Variants in PALM2AKAP2 observed in about 807,000 individuals in gnomAD.
PALM2AKAP2 encodes PALM2 and AKAP2 fusion.
A neutral mutation model predicts 71.5 loss-of-function variants in PALM2AKAP2; 37 were observed. That is an observed-to-expected ratio of 0.52 (90% CI 0.40 to 0.68). The LOEUF is 0.68. Among genes scored for constraint, PALM2AKAP2 ranks in the 30% least tolerant of loss-of-function variants. The probability of loss-of-function intolerance (pLI) is 0.00; values close to 1 mark genes in which losing one functional copy is unlikely to be tolerated. For synonymous variants in PALM2AKAP2, 468 were observed against 478.8 expected (o/e 0.98, Z 0.29); for missense variants, 1,224 against 1,191.8 (o/e 1.03, Z -0.40).
intron 1 of PALM2AKAP2, among the ~76,000 whole-genome samples, chr9:109,764,883 T>C (rs890895453): frequency 6.6e-6 from 1 of 152,202 alleles, no homozygotes; most frequent in Admixed American, 6.5e-5. Flanking sequence ...AAACCTGGAC[T>C]AAAGCTAGGA....
intron 1 of PALM2AKAP2, among the ~76,000 whole-genome samples, chr9:110,071,337 G>T (rs1474485999): frequency 6.6e-6 from 1 of 152,128 alleles, no homozygotes; most frequent in Non-Finnish European, 1.5e-5. Context: ...AATTCTTATG[G>T]TTGCTTTAGC....
intron 1 of PALM2AKAP2, among the ~76,000 whole-genome samples, chr9:110,085,961 C>G (rs60643904): frequency 0.18 from 27,080 of 151,618 alleles, 3,247 homozygotes; most frequent in African/African-American, 0.34. Context: ...ACAAAAATTA[C>G]CTGGGCATGG....
At chr9:110,105,882 TAAATG>T (rs1250973977) in intron 1 of PALM2AKAP2, among the ~76,000 whole-genome samples, 1 of 152,344 alleles carries the variant, frequency 6.6e-6, no homozygotes, top group Admixed American at 6.5e-5. Context: ...CTTTTGGAAT[TAAATG>T]TAATGTTGTA....
rs577078977 is a variant in PALM2AKAP2, at chr9:109,887,604, C to G, written c.257+6923C>G. Among the ~76,000 whole-genome samples, 4 of 152,022 alleles carry G rather than the reference C, an allele frequency of 2.6e-5. No homozygotes were observed. In the East Asian group the frequency reaches 7.7e-4, roughly 29 times the overall value. Reference sequence around the variant, plus strand: ...AATTCATTAATTTTCTAATTTAAGCCTTGTAATACTCCCATGAGGTAGTGA... The same window carrying G: ...AATTCATTAATTTTCTAATTTAAGCGTTGTAATACTCCCATGAGGTAGTGA... On this transcript the variant is annotated intron_variant, in intron 3 of 9. Transcript: ENST00000302798.
intron 1 of PALM2AKAP2, among the ~76,000 whole-genome samples, chr9:109,842,675 A>G (rs1828730672): frequency 6.6e-6 from 1 of 152,180 alleles, no homozygotes; most frequent in Non-Finnish European, 1.5e-5. Context: ...GATGTGAAAA[A>G]AAAAACAGAC....
chr9:110,148,445 C>A lies in PALM2AKAP2; in HGVS notation c.2570-7874C>A, dbSNP rs530670246. ...TCATCACATTCTCCCACCCCTGGGGCCTTCAAAGGAGGAGATGAAAGAAGA... is the reference window on the plus strand; with the variant it reads ...TCATCACATTCTCCCACCCCTGGGGACTTCAAAGGAGGAGATGAAAGAAGA... On this transcript the variant is annotated intron_variant, in intron 2 of 3. Transcript: ENST00000374525. 3.9e-5 allele frequency: 6 copies of A among 152,282 alleles called. No individual in the cohort carries two copies. In the East Asian group the frequency reaches 1.2e-3, roughly 29 times the overall value. The allele number at this position is 152,282 out of a possible 1,614,324, so 9.4% of individuals were successfully genotyped here. A position where few individuals can be genotyped will look rare whatever the true frequency, so the allele number is the denominator to read the frequency against.
chr9:109,670,984 C>A (rs1320974429), intron 1 of PALM2AKAP2, among the ~76,000 whole-genome samples: 1 of 151,984 alleles, frequency 6.6e-6, no homozygotes, highest in Admixed American at 6.6e-5. Flanking sequence ...TCTTTTCTTG[C>A]AAATTTGTTT....
At chr9:109,749,901 T>G (rs556064509) in intron 1 of PALM2AKAP2, among the ~76,000 whole-genome samples, 1 of 152,318 alleles carries the variant, frequency 6.6e-6, no homozygotes, top group South Asian at 2.1e-4. Flanking sequence ...GTATCTATGT[T>G]GGAGACCATG....
At chr9:110,018,112 C>T (rs1218453209) in intron 7 of PALM2AKAP2, among the ~76,000 whole-genome samples, 2 of 152,102 alleles carry the variant, frequency 1.3e-5, no homozygotes, top group Admixed American at 1.3e-4. Context: ...ATCCATGGTA[C>T]CAGGATCTTG....
At chr9:110,047,171 T>C (rs1833615787), upstream of PALM2AKAP2, among the ~76,000 whole-genome samples, 1 of 152,236 alleles carries the variant, frequency 6.6e-6, no homozygotes, top group South Asian at 2.1e-4. Flanking sequence ...CAGTAAATTC[T>C]ATTGAAATTC....
At chr9:109,738,588 G>A (rs1828673218) in intron 1 of PALM2AKAP2, among the ~76,000 whole-genome samples, 1 of 152,148 alleles carries the variant, frequency 6.6e-6, no homozygotes, top group African/African-American at 2.4e-5. Flanking sequence ...AGAATTCCTG[G>A]AAAGCATTAG....
At chr9:109,826,366 A>AAAAT (rs996489412) in intron 1 of PALM2AKAP2, among the ~76,000 whole-genome samples, 15 of 152,190 alleles carry the variant, frequency 9.9e-5, no homozygotes, top group East Asian at 3.9e-4. Flanking sequence ...AAGTATAATA[A>AAAAT]AAATAAATAA....
chr9:109,749,244 C>T (rs1324355009), intron 1 of PALM2AKAP2, among the ~76,000 whole-genome samples: 1 of 152,086 alleles, frequency 6.6e-6, no homozygotes, highest in Non-Finnish European at 1.5e-5. Context: ...CAGAAGTACC[C>T]AGGTCTCTCA....
chr9:109,809,895 G>A (rs1773709), intron 1 of PALM2AKAP2, among the ~76,000 whole-genome samples: 26,802 of 152,080 alleles, frequency 0.18, 2,962 homozygotes, highest in South Asian at 0.34. Flanking sequence ...TCTTCCTGCC[G>A]CCATATGAAG....
rs868429706 is a variant in PALM2AKAP2, at chr9:109,827,567, C to G, written c.46-39924C>G. On this transcript the variant is annotated intron_variant, in intron 1 of 9. Transcript: ENST00000302798. ...GAGGTTGCAGTGAGCCGGGATCGCACCACTGCACTCCAGCCTGGGCGACAG... is the reference window on the plus strand; with the variant it reads ...GAGGTTGCAGTGAGCCGGGATCGCAGCACTGCACTCCAGCCTGGGCGACAG... Among the ~76,000 whole-genome samples the G allele has an allele frequency of 1.1e-4, 16 of 152,224 alleles. No homozygotes were observed. The South Asian group carries it at 3.1e-3, about 30-fold the overall frequency.
intron 1 of PALM2AKAP2, among the ~76,000 whole-genome samples, chr9:109,669,399 T>A (rs1230199396): frequency 6.6e-6 from 1 of 152,152 alleles, no homozygotes; most frequent in Non-Finnish European, 1.5e-5. Flanking sequence ...AATATTGTTG[T>A]AATTTTTTTT....
At chr9:109,955,962 C>CA (rs1831739215) in intron 6 of PALM2AKAP2, among the ~76,000 whole-genome samples, 1 of 151,264 alleles carries the variant, frequency 6.6e-6, no homozygotes, top group Admixed American at 6.6e-5. Flanking sequence ...CAAAACAAAA[C>CA]AAAAAAACTG....
chr9:109,956,396 C>T (rs1831749114), intron 6 of PALM2AKAP2, among the ~76,000 whole-genome samples: 1 of 152,180 alleles, frequency 6.6e-6, no homozygotes, highest in Non-Finnish European at 1.5e-5. Context: ...AGCTGTGGGC[C>T]TATTCTCTTC....
At chr9:109,768,035 A>AGC (rs1564140546) in intron 1 of PALM2AKAP2, among the ~76,000 whole-genome samples, 2 of 102,958 alleles carry the variant, frequency 1.9e-5, no homozygotes, top group African/African-American at 5.4e-5. Flanking sequence ...GAAGGAAAGA[A>AGC]AAAGAGGGAA....
Sources: gnomAD v4.1 joint callset for allele counts (sites outside exome capture counted in the v4.1 genomes callset) on GRCh38, gnomAD v4.1.1 for gene constraint, MANE v1.5 for transcripts, NCBI Gene and HGNC (gene_info 2026-07-23, HGNC 2026-07-21) for gene names.